Variants in TMEM200C observed in about 807,000 individuals in gnomAD.
TMEM200C encodes the protein transmembrane protein 200C, also known as transmembrane protein TTMA.
For synonymous variants in TMEM200C, 462 were observed against 324.7 expected, an observed-to-expected ratio of 1.42 and a Z score of -4.55; for missense variants, 966 against 699.9, an observed-to-expected ratio of 1.38 and a Z score of -4.29.
At chr18:5,894,008 T>C (rs2095173635) in intron 2 of TMEM200C, among the ~76,000 whole-genome samples, 1 of 152,230 alleles carries the variant, frequency 6.6e-6, no homozygotes, top group South Asian at 2.1e-4. Flanking sequence ...TAAGTGATCC[T>C]TGGAGTCCAG....
chr18:5,888,521 T>C (rs1374933721), exon 3 of TMEM200C: 3 of 152,208 alleles, frequency 2.0e-5, no homozygotes, highest in Admixed American at 2.0e-4. Flanking sequence ...CTGAAGATCA[T>C]AGAGATTATA....
At chr18:5,895,555 G>T (rs1278368785) in intron 1 of TMEM200C, 33 bp from the exon 1 acceptor site, 1 of 146,032 alleles carries the variant, frequency 6.8e-6, no homozygotes, top group Non-Finnish European at 1.5e-5. Flanking sequence ...CGGCGGAGTC[G>T]GGGGGCGCCC....
In TMEM200C at chr18:5,891,152, G is replaced by T. The variant is rs1356348644; in HGVS notation, c.912C>A (p.Asp304Glu). 1 of 516,210 alleles carries T rather than the reference G, an allele frequency of 1.9e-6. No individual in the cohort carries two copies. Among genetic ancestry groups the T allele is most frequent in the Non-Finnish European group, 3.0e-6 (1 of 331,400 alleles). 32.0% of individuals were successfully genotyped at this position (516,210 alleles called of 1,614,324 possible). A position where few individuals can be genotyped will look rare whatever the true frequency, so the allele number is the denominator to read the frequency against. ...GCGGACAGCGCGGGGAAGAGGCCAG[G>T]TCCGGCGGGGACGCGGCGCCCCGAG... The change falls in exon 3 of 3, where the codon GAC becomes GAA. Residue 304 changes from aspartate (D) to glutamate (E), a missense_variant. Coordinates refer to ENST00000581347, the Ensembl canonical transcript of TMEM200C. This position sits in a 1 kb window ranked among gnomAD's most constrained non-coding sequence, Gnocchi z 4.7.
intron 1 of TMEM200C, 88 bp from the exon 1 acceptor site, chr18:5,895,610 C>T (rs1406212609): frequency 7.0e-6 from 1 of 143,168 alleles, no homozygotes; most frequent in Non-Finnish European, 1.5e-5. Context: ...CGCCCCCCCC[C>T]ACGCCGCCGG....
exon 3 of TMEM200C, chr18:5,889,116 A>T (rs1381897054): frequency 1.3e-5 from 2 of 152,268 alleles, no homozygotes; most frequent in African/African-American, 2.4e-5. Context: ...AATCAGTGAT[A>T]GCCAAGAGGA....
intron 2 of TMEM200C, among the ~76,000 whole-genome samples, chr18:5,892,774 AT>A (rs55801163): frequency 0.022 from 3,388 of 152,332 alleles, 53 homozygotes; most frequent in Non-Finnish European, 0.032. Flanking sequence ...ACTTCAGATA[AT>A]TAATAGAGAG....
At position 5,891,186 on chromosome 18, in the gene TMEM200C, C is replaced by G; in HGVS notation, c.878G>C (p.Gly293Ala). 1 of 869,636 alleles carries G rather than the reference C, an allele frequency of 1.1e-6. No individual in the cohort carries two copies. Among genetic ancestry groups the G allele is most frequent in the Non-Finnish European group, 1.5e-6 (1 of 654,940 alleles). 53.9% of individuals were successfully genotyped at this position (869,636 alleles called of 1,614,324 possible). A position where few individuals can be genotyped will look rare whatever the true frequency, so the allele number is the denominator to read the frequency against. Residue 293 changes from glycine to alanine, a missense_variant, in exon 3 of 3, where the codon GGC becomes GCC. Gly to Ala is a moderately conservative substitution (Grantham distance 60). Coordinates refer to ENST00000581347, the Ensembl canonical transcript of TMEM200C. The surrounding 1 kb of genome is among the most constrained non-coding windows in gnomAD (Gnocchi z 4.7). ...GGACGCGGCGCCCCGAGGGCGGCCG[C>G]CGCTCGGCGCCGCGGGGTGAGGAGG...
In TMEM200C at chr18:5,895,533, G is replaced by T. The variant is rs898233786; in HGVS notation, c.-545-53C>A. Reference sequence around the variant, plus strand: ...AAATTGCGGCAGGGTGGCGGTCGGGGCCCGCCCGGCTCGGCGGAGTCGGGG... The same window carrying T: ...AAATTGCGGCAGGGTGGCGGTCGGGTCCCGCCCGGCTCGGCGGAGTCGGGG... On this transcript the variant is annotated intron_variant, in intron 1 of 2. Coordinates refer to ENST00000581347, the Ensembl canonical transcript of TMEM200C. 6.7e-6 allele frequency: 1 copy of T among 148,230 alleles called. No homozygotes were observed. The highest frequency in any genetic ancestry group is 2.4e-5 in the African/African-American group (1 of 40,916). 9.2% of individuals were successfully genotyped at this position (148,230 alleles called of 1,614,324 possible).
exon 3 of TMEM200C, chr18:5,890,620 G>A (rs2095169447): frequency 2.0e-6 from 2 of 1,001,480 alleles, no homozygotes; most frequent in Non-Finnish European, 2.6e-6. Flanking sequence ...TCGGGGGACG[G>A]CGGCGCCCGG....
At position 5,891,415 on chromosome 18, in the gene TMEM200C, C is replaced by G; in HGVS notation, c.649G>C (p.Asp217His). The G allele has an allele frequency of 6.8e-7, 1 of 1,462,132 alleles. No homozygotes were observed. The highest frequency in any genetic ancestry group is 9.1e-7 in the Non-Finnish European group (1 of 1,099,780). The allele number at this position is 1,462,132 out of a possible 1,614,324, so 90.6% of individuals were successfully genotyped here. A position where few individuals can be genotyped will look rare whatever the true frequency, so the allele number is the denominator to read the frequency against. Reference sequence around the variant, plus strand: ...GCGGCGGCCGCGGCGGCCGCCAGGTCTTTGGCGCGGAGGCTGTGCACGTCG... The same window carrying G: ...GCGGCGGCCGCGGCGGCCGCCAGGTGTTTGGCGCGGAGGCTGTGCACGTCG... The change falls in exon 3 of 3, where the codon GAC becomes CAC. Residue 217 changes from aspartate to histidine, a missense_variant. Coordinates refer to ENST00000581347, the Ensembl canonical transcript of TMEM200C. This position sits in a 1 kb window ranked among gnomAD's most constrained non-coding sequence, Gnocchi z 4.7.
At chr18:5,892,292 G>A in intron 2 of TMEM200C, 135 bp from the exon 2 acceptor site, 1 of 582,710 alleles carries the variant, frequency 1.7e-6, no homozygotes, top group South Asian at 2.2e-5. Context: ...ACTGAAACAA[G>A]GCCGTGTACA....
exon 3 of TMEM200C, chr18:5,882,438 G>C (rs2095162468): frequency 6.6e-6 from 1 of 152,040 alleles, no homozygotes. Context: ...AGAAATCTTG[G>C]AAAGCATTCA....
At position 5,891,604 on chromosome 18, in the gene TMEM200C, G is replaced by T. The variant is rs748685643; in HGVS notation, c.460C>A (p.Arg154Ser). Residue 154 changes from arginine (R) to serine (S), a missense_variant, in exon 3 of 3, where the codon CGC becomes AGC. Transcript: ENST00000581347. This position sits in a 1 kb window ranked among gnomAD's most constrained non-coding sequence, Gnocchi z 4.7. ...GAGTGCAGGTAGCCAGAGAAGATGC[G>T]GAAGAAGAAGCCCACGGACGTGGAG... 32 of 1,613,848 alleles carry T rather than the reference G, an allele frequency of 2.0e-5. No individual in the cohort carries two copies. The highest frequency in any genetic ancestry group is 2.6e-5 in the Non-Finnish European group (31 of 1,179,836).
chr18:5,890,601 G>T, exon 3 of TMEM200C: 3 of 1,173,776 alleles, frequency 2.6e-6, no homozygotes, highest in Non-Finnish European at 3.3e-6. Context: ...CCCCGGGGAG[G>T]GCGGGGGCTC....
exon 3 of TMEM200C, chr18:5,889,886 T>C (rs2095168295): frequency 4.4e-6 from 1 of 225,260 alleles, no homozygotes; most frequent in Non-Finnish European, 8.6e-6. Flanking sequence ...AAAAATATAT[T>C]ATTTTGATCC....
At chr18:5,893,688 C>T (rs2095173305) in intron 2 of TMEM200C, among the ~76,000 whole-genome samples, 1 of 152,182 alleles carries the variant, frequency 6.6e-6, no homozygotes, top group African/African-American at 2.4e-5. Context: ...GGGTGAAAGG[C>T]TTTGGCCCTT....
exon 3 of TMEM200C, chr18:5,884,364 T>C (rs1170997994): frequency 1.3e-5 from 2 of 152,174 alleles, no homozygotes; most frequent in South Asian, 2.1e-4. Flanking sequence ...TCTGACATTT[T>C]CTTCATTTCT....
exon 3 of TMEM200C, chr18:5,890,684 C>T: frequency 5.4e-6 from 3 of 550,960 alleles, no homozygotes; most frequent in Non-Finnish European, 8.5e-6. Context: ...ACCTGCCGGT[C>T]CTGGGCAGGC....
chr18:5,886,120 G>C (rs1382986655), exon 3 of TMEM200C: 1 of 151,744 alleles, frequency 6.6e-6, no homozygotes, highest in Non-Finnish European at 1.5e-5. Context: ...TGTGTCAGAG[G>C]GTTTTTCTTA....
Sources: allele counts gnomAD v4.1 joint callset (sites outside exome capture counted in the v4.1 genomes callset), GRCh38; gene constraint gnomAD v4.1.1; non-coding constraint Gnocchi (gnomAD v3.1); transcripts MANE v1.5; gene names NCBI Gene and HGNC (gene_info 2026-07-23, HGNC 2026-07-21).